TMEM135: variants seen among roughly 807,000 people sequenced by gnomAD.
The protein encoded by TMEM135 is transmembrane protein 135, also known as peroxisomal membrane protein 52.
TMEM135 carries 30 observed loss-of-function variants against 60.3 expected under a neutral mutation model. The ratio of observed to expected loss-of-function variants is 0.50; its 90% CI spans 0.37 to 0.68. The LOEUF (loss-of-function observed/expected upper bound fraction) is 0.68. Among genes scored for constraint, TMEM135 ranks in the 30% least tolerant of loss-of-function variants. TMEM135 has a pLI of 0.00. For missense variants in TMEM135, 468 were observed against 548.8 expected (o/e 0.85, Z 1.47); for synonymous variants, 190 against 186.7 (o/e 1.02, Z -0.14).
chr11:87,216,207 G>T (rs189117186), intron 5 of TMEM135, among the ~76,000 whole-genome samples: 4 of 152,256 alleles, frequency 2.6e-5, no homozygotes, highest in Admixed American at 1.3e-4. Context: ...GATAAGGGGG[G>T]ACTACAGTCT....
At chr11:87,079,212 G>T (rs1212181526) in intron 3 of TMEM135, among the ~76,000 whole-genome samples, 1 of 151,432 alleles carries the variant, frequency 6.6e-6, no homozygotes. Flanking sequence ...CACCATGCTG[G>T]CCAGGCTGGT....
intron 6 of TMEM135, among the ~76,000 whole-genome samples, chr11:87,249,950 AG>A (rs1460634468): frequency 2.0e-5 from 3 of 151,942 alleles, no homozygotes; most frequent in Non-Finnish European, 4.4e-5. Context: ...CTTTGCTGGG[AG>A]GCTTTTTATT....
Position 87,306,022 on chromosome 11 carries a change from A to G in TMEM135, c.768+17A>G, listed in dbSNP as rs555140093. The G allele has an allele frequency of 1.3e-6, 2 of 1,507,034 alleles. No homozygotes were observed. Among genetic ancestry groups the G allele is most frequent in the Non-Finnish European group, 9.1e-7 (1 of 1,094,462 alleles). 93.4% of individuals were successfully genotyped at this position (1,507,034 alleles called of 1,614,324 possible). A position where few individuals can be genotyped will look rare whatever the true frequency, so the allele number is the denominator to read the frequency against. On this transcript the variant is annotated intron_variant, in intron 9 of 14. Coordinates refer to ENST00000305494, the MANE Select transcript of TMEM135 (RefSeq NM_022918.4). ...TGCATTAAAGTAAGTATATGAAAGT[A>G]TGTACTTTATTAACAGTAGGGAATG...
At chr11:87,161,528 GA>G (rs1018885770) in intron 5 of TMEM135, among the ~76,000 whole-genome samples, 2 of 152,034 alleles carry the variant, frequency 1.3e-5, no homozygotes, top group Admixed American at 6.6e-5. Flanking sequence ...CTCAATTTTT[GA>G]AAGAGAACAA....
intron 3 of TMEM135, among the ~76,000 whole-genome samples, chr11:87,089,616 A>T (rs1366607730): frequency 6.6e-6 from 1 of 152,184 alleles, no homozygotes; most frequent in East Asian, 1.9e-4. Context: ...TTATTTTGGA[A>T]TTTGTAACAT....
At chr11:87,224,613 A>G (rs1017386487) in intron 5 of TMEM135, among the ~76,000 whole-genome samples, 3 of 152,120 alleles carry the variant, frequency 2.0e-5, no homozygotes, top group Non-Finnish European at 4.4e-5. Flanking sequence ...ACTTACTACA[A>G]ATTGTTCATT....
intron 5 of TMEM135, among the ~76,000 whole-genome samples, chr11:87,218,164 CTTCTTCCCT>C (rs1429240505): frequency 1.3e-5 from 2 of 152,150 alleles, no homozygotes; most frequent in East Asian, 3.9e-4. Context: ...CAAGACAGCC[CTTCTTCCCT>C]GCCATGAGCC....
At chr11:87,150,171 C>T (rs1938519017) in intron 4 of TMEM135, among the ~76,000 whole-genome samples, 2 of 143,228 alleles carry the variant, frequency 1.4e-5, no homozygotes, top group African/African-American at 5.3e-5. Context: ...GAGCCGAGTG[C>T]ACCATTGCAC....
intron 6 of TMEM135, among the ~76,000 whole-genome samples, chr11:87,248,069 G>A (rs548334975): frequency 7.9e-5 from 12 of 151,794 alleles, no homozygotes; most frequent in African/African-American, 2.2e-4. Flanking sequence ...CATCGTGAGT[G>A]TGTACTATAT....
At chr11:87,136,283 G>T (rs1186954246) in intron 4 of TMEM135, among the ~76,000 whole-genome samples, 1 of 151,984 alleles carries the variant, frequency 6.6e-6, no homozygotes, top group Non-Finnish European at 1.5e-5. Context: ...AGATGAACAT[G>T]TGCTTTTTCT....
chr11:87,053,484 G>T (rs1399811548), intron 1 of TMEM135, among the ~76,000 whole-genome samples: 2 of 152,110 alleles, frequency 1.3e-5, no homozygotes, highest in Non-Finnish European at 2.9e-5. Flanking sequence ...TACTTAGGTG[G>T]TAGGCAGGTG....
At chr11:87,312,168 C>CCT (rs1269933805) in intron 10 of TMEM135, among the ~76,000 whole-genome samples, 1 of 147,560 alleles carries the variant, frequency 6.8e-6, no homozygotes, top group Non-Finnish European at 1.5e-5. Flanking sequence ...TTTTTTTCTT[C>CCT]CTCTTTTTTT....
intron 4 of TMEM135, among the ~76,000 whole-genome samples, chr11:87,142,197 G>A (rs927678615): frequency 6.6e-6 from 1 of 152,226 alleles, no homozygotes; most frequent in African/African-American, 2.4e-5. Flanking sequence ...ATGAGCTCGA[G>A]CAGGTCTGTA....
At chr11:87,252,584 C>T (rs1032945555) in intron 6 of TMEM135, among the ~76,000 whole-genome samples, 1 of 151,682 alleles carries the variant, frequency 6.6e-6, no homozygotes, top group Non-Finnish European at 1.5e-5. Context: ...ACCAGCCTGA[C>T]CAACATGGAG....
At chr11:87,146,208 TG>T (rs1227340746) in intron 4 of TMEM135, among the ~76,000 whole-genome samples, 3 of 152,194 alleles carry the variant, frequency 2.0e-5, no homozygotes, top group African/African-American at 7.2e-5. Flanking sequence ...TGTGTATTTG[TG>T]GTACTTTTGT....
intron 4 of TMEM135, among the ~76,000 whole-genome samples, chr11:87,147,734 A>G (rs947421807): frequency 9.9e-5 from 15 of 152,126 alleles, no homozygotes; most frequent in Admixed American, 9.8e-4. Flanking sequence ...CTTGTCTAGC[A>G]CTGTTCTTAA....
intron 6 of TMEM135, among the ~76,000 whole-genome samples, chr11:87,241,042 C>CATT (rs35620699): frequency 0.66 from 99,769 of 151,536 alleles, 33,403 homozygotes; most frequent in Non-Finnish European, 0.71. Flanking sequence ...CTTTTAGAAA[C>CATT]ATTTCTTTTT....
At chr11:87,131,670 G>A (rs1025968470) in intron 4 of TMEM135, among the ~76,000 whole-genome samples, 1 of 152,096 alleles carries the variant, frequency 6.6e-6, no homozygotes, top group African/African-American at 2.4e-5. Context: ...CACATACAGT[G>A]TGTCCCTGGG....
chr11:87,157,506 TAGAG>T (rs1227627319), intron 5 of TMEM135, 100 bp downstream of exon 5: 3 of 1,029,858 alleles, frequency 2.9e-6, no homozygotes, highest in South Asian at 2.7e-5. Flanking sequence ...GTCTAAGAAA[TAGAG>T]AGATATCTGA....
Sources: allele counts gnomAD v4.1 joint callset (sites outside exome capture counted in the v4.1 genomes callset), GRCh38; gene constraint gnomAD v4.1.1; transcripts MANE v1.5; gene names NCBI Gene and HGNC (gene_info 2026-07-23, HGNC 2026-07-21).